CYB561: variants seen among roughly 807,000 people sequenced by gnomAD.
The protein encoded by CYB561 is cytochrome b561.
CYB561 carries 11 observed loss-of-function variants against 25.3 expected under a neutral mutation model. The observed-to-expected ratio is 0.44, with a 90% confidence interval of 0.27 to 0.72. The LOEUF (loss-of-function observed/expected upper bound fraction) is 0.72. CYB561 is among the 30% of genes least tolerant of loss of function. The pLI, the probability that CYB561 is intolerant of heterozygous loss-of-function variation, is 0.18. For synonymous variants in CYB561, 165 were observed against 158.8 expected, an observed-to-expected ratio of 1.04 and a Z score of -0.29; for missense variants, 295 against 334.9, an observed-to-expected ratio of 0.88 and a Z score of 0.93.
chr17:63,441,585 C>T (rs2049375882), intron 1 of CYB561, among the ~76,000 whole-genome samples: 2 of 152,264 alleles, frequency 1.3e-5, no homozygotes, highest in African/African-American at 4.8e-5. Context: ...AGGAGCTAAT[C>T]TGGGCCTCCA....
chr17:63,446,570 G>A (rs1177312467), upstream of CYB561, among the ~76,000 whole-genome samples: 1 of 152,050 alleles, frequency 6.6e-6, no homozygotes, highest in Non-Finnish European at 1.5e-5. Context: ...CGGGGGTGGA[G>A]GGCCGGGAGC....
chr17:63,445,520 G>A (rs2049414899), intron 1 of CYB561, among the ~76,000 whole-genome samples: 1 of 146,804 alleles, frequency 6.8e-6, no homozygotes, highest in African/African-American at 2.5e-5. Context: ...CCAGAAAGGA[G>A]AAGTCTGGGA....
intron 4 of CYB561, 106 bp from the exon 5 acceptor site, chr17:63,435,349 T>G: frequency 7.9e-7 from 1 of 1,257,892 alleles, no homozygotes; most frequent in Non-Finnish European, 1.1e-6. Context: ...TGTGAGCCCC[T>G]CAGCCCTGCC....
At chr17:63,435,543 C>T in intron 4 of CYB561, 145 bp downstream of exon 4, 2 of 775,930 alleles carry the variant, frequency 2.6e-6, no homozygotes, top group South Asian at 3.3e-5. Context: ...AGCTTTGCAC[C>T]CGCACAGGCC....
Position 63,433,873 on chromosome 17 carries a change from T to TG in CYB561, c.*528dup, listed in dbSNP as rs1380090543. The TG allele has an allele frequency of 1.8e-5, 3 of 169,934 alleles. No homozygotes were observed. The highest frequency in any genetic ancestry group is 3.7e-5 in the Non-Finnish European group (3 of 80,842). 10.5% of individuals were successfully genotyped at this position (169,934 alleles called of 1,614,324 possible). On this transcript the variant is annotated 3_prime_UTR_variant, in exon 6 of 6. Coordinates refer to ENST00000360793, the MANE Select transcript of CYB561 (RefSeq NM_001915.4). ...CCAGGGGCCAGTCCCTCCCCTCTCC[T>TG]GGGGAACCTTGCTTTCACCACCAAC... is the stretch of plus-strand genomic sequence containing the variant.
intron 4 of CYB561, 126 bp downstream of exon 4, chr17:63,435,562 C>A: frequency 1.2e-6 from 1 of 847,512 alleles, no homozygotes; most frequent in South Asian, 1.5e-5. Flanking sequence ...CCTGGGAAGG[C>A]AGCTCTCTCA....
chr17:63,433,346 T>G lies in CYB561; in HGVS notation c.*1056A>C. ...GGTGACTCAGCTAACATGACACTCT[T>G]TATGGGGCTGGAGTGATGTGCAGAC... is the stretch of plus-strand genomic sequence containing the variant. On this transcript the variant is annotated 3_prime_UTR_variant, in exon 6 of 6. Coordinates refer to ENST00000360793, the MANE Select transcript of CYB561 (RefSeq NM_001915.4). 1 of 398,564 alleles carries G rather than the reference T, an allele frequency of 2.5e-6. No homozygotes were observed. The highest frequency in any genetic ancestry group is 3.6e-5 in the East Asian group (1 of 28,066). 24.7% of individuals were successfully genotyped at this position (398,564 alleles called of 1,614,324 possible). A position where few individuals can be genotyped will look rare whatever the true frequency, so the allele number is the denominator to read the frequency against.
At chr17:63,438,581 C>T (rs964081568) in intron 1 of CYB561, among the ~76,000 whole-genome samples, 1 of 152,064 alleles carries the variant, frequency 6.6e-6, no homozygotes, top group African/African-American at 2.4e-5. Context: ...ACACCAGGGG[C>T]GGGGCGGACC....
chr17:63,433,515 G>A lies in CYB561; in HGVS notation c.*887C>T, dbSNP rs1036178772. The A allele has an allele frequency of 1.3e-5, 5 of 397,000 alleles. No homozygotes were observed. Among genetic ancestry groups the A allele is most frequent in the African/African-American group, 4.1e-5 (2 of 48,678 alleles). 24.6% of individuals were successfully genotyped at this position (397,000 alleles called of 1,614,324 possible). A position where few individuals can be genotyped will look rare whatever the true frequency, so the allele number is the denominator to read the frequency against. On this transcript the variant is annotated 3_prime_UTR_variant, in exon 6 of 6. Transcript: ENST00000360793. ...GGCTCTAGCCACAGCCAGCAGCAGC[G>A]GTTTTTCATTTAAAAAATTATAAGG... is the stretch of plus-strand genomic sequence containing the variant.
chr17:63,435,973 G>A lies in CYB561; in HGVS notation c.301+81C>T, dbSNP rs1568022736. On this transcript the variant is annotated intron_variant, in intron 3 of 5. Coordinates refer to ENST00000360793, the MANE Select transcript of CYB561 (RefSeq NM_001915.4). ...GCGGGCCCATCACAGCTCTGGGGAG[G>A]GAACAGAGCAGGTGAAGCGGCTGTT... 4 of 1,608,308 alleles carry A rather than the reference G, an allele frequency of 2.5e-6. No individual in the cohort carries two copies. The South Asian group carries it at 3.3e-5, about 13-fold the overall frequency.
At chr17:63,441,174 T>C (rs2049371612) in intron 1 of CYB561, among the ~76,000 whole-genome samples, 1 of 152,252 alleles carries the variant, frequency 6.6e-6, no homozygotes, top group Admixed American at 6.5e-5. Context: ...ATGCCCGGCC[T>C]GGCCTCCCGG....
In CYB561 at chr17:63,435,790, G is replaced by C. The variant is rs745336942; in HGVS notation, c.303C>G (p.Gly101=). Residue 101 remains glycine (G), a splice_region_variant and synonymous_variant, in exon 4 of 6, where the codon GGC becomes GGG. Coordinates refer to ENST00000360793, the MANE Select transcript of CYB561 (RefSeq NM_001915.4). ...TGTGGTAGTCGAACACCGCCACCAAGCCTGGGCCAGAGACAGGTCATATGA... is the reference window on the plus strand; with the variant it reads ...TGTGGTAGTCGAACACCGCCACCAACCCTGGGCCAGAGACAGGTCATATGA... ...HIFALVIALV[G]LVAVFDYHRK... The C allele has an allele frequency of 5.0e-6, 8 of 1,613,900 alleles. No individual in the cohort carries two copies. Among genetic ancestry groups the C allele is most frequent in the Non-Finnish European group, 3.4e-6 (4 of 1,179,836 alleles).
intron 1 of CYB561, among the ~76,000 whole-genome samples, chr17:63,445,659 G>A (rs2049416374): frequency 6.6e-6 from 1 of 152,174 alleles, no homozygotes; most frequent in African/African-American, 2.4e-5. Flanking sequence ...CGCCCTCAGC[G>A]CAGTTGGCAC....
In CYB561 at chr17:63,436,982, G is replaced by A. The variant is rs898402798; in HGVS notation, c.202+364C>T. 10 of 282,966 alleles carry A rather than the reference G, an allele frequency of 3.5e-5. No individual in the cohort carries two copies. Among genetic ancestry groups the A allele is most frequent in the East Asian group, 2.6e-4 (3 of 11,700 alleles). 17.5% of individuals were successfully genotyped at this position (282,966 alleles called of 1,614,324 possible). On this transcript the variant is annotated intron_variant, in intron 2 of 5. Transcript: ENST00000360793. The surrounding 1 kb of genome is among the most constrained non-coding windows in gnomAD (Gnocchi z 4.8). ...ACAACACACATGCGCGCGCACGCAC[G>A]CACGCATACAAACTCTCACATATGA...
chr17:63,435,148 G>T lies in CYB561; in HGVS notation c.501C>A (p.Ile167=). 1 of 1,614,242 alleles carries T rather than the reference G, an allele frequency of 6.2e-7. No individual in the cohort carries two copies. The highest frequency in any genetic ancestry group is 8.5e-7 in the Non-Finnish European group (1 of 1,180,050). The change falls in exon 5 of 6, where the codon ATC becomes ATA. Residue 167 remains isoleucine, a synonymous_variant. Coordinates refer to ENST00000360793, the MANE Select transcript of CYB561 (RefSeq NM_001915.4). ...GGGCGGTGCCCACGGAAAGGAGGAA[G>T]ATGGTAGCACCAAAGAAGATGTGCT... ...RPQHIFFGAT[I]FLLSVGTALL...
chr17:63,437,130 G>C (rs1211217546), intron 2 of CYB561: 3 of 564,282 alleles, frequency 5.3e-6, no homozygotes, highest in East Asian at 5.8e-5. Context: ...AGGTGAAAAT[G>C]CTGGACCAGG....
intron 1 of CYB561, chr17:63,438,425 A>G: frequency 4.5e-6 from 2 of 448,494 alleles, no homozygotes; most frequent in Admixed American, 3.6e-5. Context: ...CCCACCCCAC[A>G]CCCAGGAGAG....
intron 1 of CYB561, chr17:63,442,714 G>A (rs143281862): frequency 8.5e-5 from 13 of 152,272 alleles, no homozygotes; most frequent in African/African-American, 2.6e-4. Flanking sequence ...ACAGATCTCT[G>A]GCAGTTTCTG....
intron 1 of CYB561, chr17:63,440,270 C>T: frequency 2.5e-6 from 1 of 398,766 alleles, no homozygotes; most frequent in Non-Finnish European, 4.4e-6. Flanking sequence ...TCTCTCATGC[C>T]CTCCCCACTA....
Sources: allele counts gnomAD v4.1 joint callset (sites outside exome capture counted in the v4.1 genomes callset), GRCh38; gene constraint gnomAD v4.1.1; non-coding constraint Gnocchi (gnomAD v3.1); transcripts MANE v1.5; gene names NCBI Gene and HGNC (gene_info 2026-07-23, HGNC 2026-07-21).